The following PPP1R2 variants were observed in gnomAD, a reference collection of about 807,000 sequenced individuals.
PPP1R2 encodes protein phosphatase 1 regulatory inhibitor subunit 2.
A neutral mutation model predicts 29.9 loss-of-function variants in PPP1R2; 16 were observed. The ratio of observed to expected loss-of-function variants is 0.53; its 90% CI spans 0.36 to 0.81. PPP1R2 has a LOEUF of 0.81. Ranked by LOEUF, PPP1R2 falls within the 30% of genes least tolerant of loss-of-function variation. The probability of loss-of-function intolerance (pLI) is 0.00; values close to 1 mark genes in which losing one functional copy is unlikely to be tolerated. For synonymous variants in PPP1R2, 76 were observed against 91.5 expected (o/e 0.83, Z 0.96); for missense variants, 197 against 252.7 (o/e 0.78, Z 1.49).
intron 1 of PPP1R2, among the ~76,000 whole-genome samples, chr3:195,535,427 G>A (rs1460190497): frequency 6.6e-6 from 1 of 152,220 alleles, no homozygotes; most frequent in Non-Finnish European, 1.5e-5. Flanking sequence ...AAGCTGTCAA[G>A]TCTCAAACAA....
chr3:195,520,760 C>A (rs1005666935), intron 4 of PPP1R2, among the ~76,000 whole-genome samples: 1 of 152,026 alleles, frequency 6.6e-6, no homozygotes, highest in South Asian at 2.1e-4. Flanking sequence ...CTCAAGCAGT[C>A]CTCCTACCTC....
At chr3:195,542,214 A>G (rs2108957706) in intron 1 of PPP1R2, among the ~76,000 whole-genome samples, 1 of 152,312 alleles carries the variant, frequency 6.6e-6, no homozygotes, top group South Asian at 2.1e-4. Context: ...ATATTTCACC[A>G]GCTCTTACTA....
intron 1 of PPP1R2, 54 bp downstream of exon 1, chr3:195,542,850 G>GT: frequency 6.5e-7 from 1 of 1,550,012 alleles, no homozygotes; most frequent in Non-Finnish European, 8.7e-7. Context: ...GTCTGGGTAG[G>GT]TAACGGGCCC....
At chr3:195,532,701 A>AT (rs965916431) in intron 1 of PPP1R2, among the ~76,000 whole-genome samples, 75 of 152,064 alleles carry the variant, frequency 4.9e-4, no homozygotes, top group African/African-American at 1.2e-3. Context: ...TTATATGCGG[A>AT]TTTTTTTTCA....
At chr3:195,520,205 T>A (rs976451510) in intron 4 of PPP1R2, among the ~76,000 whole-genome samples, 2 of 152,182 alleles carry the variant, frequency 1.3e-5, no homozygotes, top group Admixed American at 1.3e-4. Flanking sequence ...AGACGGGGTT[T>A]CATCATGTTG....
chr3:195,542,906 C>G lies in PPP1R2; in HGVS notation c.120G>C (p.Leu40=), dbSNP rs1466122432. Reference sequence around the variant, plus strand: ...AGGCCGTCCCTCCCAGCGCTCACCTCAGCTCCTCGTCGACATTCCCGCGGG... The same window carrying G: ...AGGCCGTCCCTCCCAGCGCTCACCTGAGCTCCTCGTCGACATTCCCGCGGG... ...EQPRGNVDEE[L]SKKSQKWDEM... is the part of the protein sequence containing the mutation. The change falls in exon 1 of 6, where the codon CTG becomes CTC. Residue 40 remains leucine (L), a splice_region_variant and synonymous_variant. Coordinates refer to ENST00000618156, the MANE Select transcript of PPP1R2 (RefSeq NM_006241.8). The G allele has an allele frequency of 8.1e-6, 13 of 1,601,956 alleles. No individual in the cohort carries two copies. Among genetic ancestry groups the G allele is most frequent in the South Asian group, 1.1e-5 (1 of 88,880 alleles).
At chr3:195,542,492 C>T (rs189272862) in intron 1 of PPP1R2, among the ~76,000 whole-genome samples, 1 of 152,206 alleles carries the variant, frequency 6.6e-6, no homozygotes, top group East Asian at 1.9e-4. Context: ...TTTGACGGAT[C>T]GCCTATTAGC....
In PPP1R2 at chr3:195,533,175, C is replaced by T. The variant is rs148579559; in HGVS notation, c.123-3274G>A. Among the ~76,000 whole-genome samples the T allele has an allele frequency of 1.5e-3, 228 of 152,022 alleles. 1 individual carries two copies. The highest frequency in any genetic ancestry group is 5.4e-3 in the African/African-American group (223 of 41,458). ...CAGCCTAGCCAACATGGTGAAACCC[C>T]GTCTCTACCAAAAATACAAAAAAAT... is the stretch of plus-strand genomic sequence containing the variant. On this transcript the variant is annotated intron_variant, in intron 1 of 5. Transcript: ENST00000618156.
At chr3:195,530,819 G>A (rs1397766351) in intron 1 of PPP1R2, among the ~76,000 whole-genome samples, 3 of 143,536 alleles carry the variant, frequency 2.1e-5, no homozygotes, top group South Asian at 2.3e-4. Flanking sequence ...CCACCAGGCC[G>A]GGCCATTATT....
intron 3 of PPP1R2, among the ~76,000 whole-genome samples, chr3:195,524,497 C>T (rs1466655771): frequency 3.9e-5 from 6 of 152,066 alleles, no homozygotes; most frequent in African/African-American, 1.4e-4. Flanking sequence ...TGCACTCCAC[C>T]CTGAATGACA....
intron 2 of PPP1R2, 22 bp downstream of exon 2, chr3:195,529,772 A>G (rs762364656): frequency 6.8e-7 from 1 of 1,475,802 alleles, no homozygotes; most frequent in South Asian, 1.2e-5. Context: ...TCACAAGAGG[A>G]ATGACGTCTA....
At chr3:195,527,790 C>G (rs376901693) in intron 2 of PPP1R2, 1 of 196,386 alleles carries the variant, frequency 5.1e-6, no homozygotes, top group Non-Finnish European at 1.1e-5. Context: ...TCACTTGAGT[C>G]GGGAGTTCCA....
intron 5 of PPP1R2, among the ~76,000 whole-genome samples, chr3:195,518,742 G>C (rs1330879268): frequency 1.3e-5 from 2 of 151,754 alleles, no homozygotes; most frequent in Non-Finnish European, 2.9e-5. Flanking sequence ...ACAAAATATA[G>C]CTTAATATGA....
rs115816804 is a variant in PPP1R2 at position 195,539,209 on chromosome 3, A to C, written c.122+3695T>G. On this transcript the variant is annotated intron_variant, in intron 1 of 5. Transcript: ENST00000618156. ...ACTAGGCCTGCTAAATTAGACCTTC[A>C]TAAGTTGTGCCCTATATTCAAGGTA... Among the ~76,000 whole-genome samples the C allele has an allele frequency of 9.1e-3, 1,382 of 152,338 alleles. 20 individuals carry two copies. Among genetic ancestry groups the C allele is most frequent in the African/African-American group, 0.032 (1,312 of 41,576 alleles).
At chr3:195,528,216 T>C (rs1356260043) in intron 2 of PPP1R2, among the ~76,000 whole-genome samples, 2 of 152,166 alleles carry the variant, frequency 1.3e-5, no homozygotes, top group African/African-American at 2.4e-5. Flanking sequence ...CGCTTATAAG[T>C]GAGAACATAC....
chr3:195,535,627 G>T (rs1719350636), intron 1 of PPP1R2, among the ~76,000 whole-genome samples: 1 of 152,194 alleles, frequency 6.6e-6, no homozygotes, highest in Admixed American at 6.5e-5. Context: ...TGATTTGATA[G>T]AGATGAGTGC....
At chr3:195,539,229 A>C (rs1359238756) in intron 1 of PPP1R2, among the ~76,000 whole-genome samples, 1 of 152,194 alleles carries the variant, frequency 6.6e-6, no homozygotes, top group African/African-American at 2.4e-5. Flanking sequence ...CCCTATATTC[A>C]AGGTATCCTG....
Position 195,515,124 on chromosome 3 carries a change from C to A in PPP1R2, c.*1772G>T. ...ACATGTACAGACTTAATCTCTACAT[C>A]CCCCAAGACAGATTTAAACAGGTAA... On this transcript the variant is annotated 3_prime_UTR_variant, in exon 6 of 6. Transcript: ENST00000618156. 1 of 192,086 alleles carries A rather than the reference C, an allele frequency of 5.2e-6. No homozygotes were observed. Among genetic ancestry groups the A allele is most frequent in the Non-Finnish European group, 1.2e-5 (1 of 82,750 alleles). The allele number at this position is 192,086 out of a possible 1,614,324, so 11.9% of individuals were successfully genotyped here. A position where few individuals can be genotyped will look rare whatever the true frequency, so the allele number is the denominator to read the frequency against.
chr3:195,529,861 T>C lies in PPP1R2; in HGVS notation c.163A>G (p.Thr55Ala). The C allele has an allele frequency of 6.2e-7, 1 of 1,612,072 alleles. No homozygotes were observed. Reference sequence around the variant, plus strand: ...TAGTCTTTGTCTGCTGGATGATACGTCGCCAAGATGTTCATTTCATCCCAC... The same window carrying C: ...TAGTCTTTGTCTGCTGGATGATACGCCGCCAAGATGTTCATTTCATCCCAC... ...QKWDEMNILA[T>A]YHPADKDYGL... The change falls in exon 2 of 6, where the codon ACG becomes GCG. Residue 55 changes from threonine (T) to alanine (A), a missense_variant. Coordinates refer to ENST00000618156, the MANE Select transcript of PPP1R2 (RefSeq NM_006241.8).
Sources: allele counts gnomAD v4.1 joint callset (sites outside exome capture counted in the v4.1 genomes callset), GRCh38; gene constraint gnomAD v4.1.1; transcripts MANE v1.5; gene names NCBI Gene and HGNC (gene_info 2026-07-23, HGNC 2026-07-21).